Variants in RETREG3 observed in about 807,000 individuals in gnomAD.
RETREG3 encodes the protein reticulophagy regulator 3.
In RETREG3, 23 loss-of-function variants were observed where a neutral mutation model predicts 50.2. The ratio of observed to expected loss-of-function variants is 0.46; its 90% confidence interval spans 0.33 to 0.65. The LOEUF (loss-of-function observed/expected upper bound fraction) is 0.65, where lower values mean the gene tolerates loss of function less well. Ranked by LOEUF, RETREG3 falls within the 30% of genes least tolerant of loss-of-function variation. RETREG3 has a pLI of 0.02. For synonymous variants in RETREG3, 240 were observed against 234.4 expected (o/e 1.02, Z -0.22); for missense variants, 546 against 598.0 (o/e 0.91, Z 0.91).
chr17:42,595,341 C>T (rs887682816), intron 1 of RETREG3, among the ~76,000 whole-genome samples: 1 of 151,572 alleles, frequency 6.6e-6, no homozygotes, highest in African/African-American at 2.4e-5. Context: ...TCCCTGACCT[C>T]GTGATCCTAC....
intron 1 of RETREG3, among the ~76,000 whole-genome samples, chr17:42,595,342 G>A (rs1006175465): frequency 6.6e-6 from 1 of 151,224 alleles, no homozygotes; most frequent in Non-Finnish European, 1.5e-5. Flanking sequence ...CCCTGACCTC[G>A]TGATCCTACC....
intron 7 of RETREG3, 56 bp from the exon 8 acceptor site, chr17:42,582,862 C>A (rs527522154): frequency 2.5e-6 from 4 of 1,606,968 alleles, no homozygotes; most frequent in Non-Finnish European, 3.4e-6. Context: ...GGTGTAGTCA[C>A]CAGGTACAGC....
chr17:42,594,337 C>T (rs1173894043), intron 1 of RETREG3, among the ~76,000 whole-genome samples: 2 of 152,164 alleles, frequency 1.3e-5, no homozygotes, highest in African/African-American at 4.8e-5. Context: ...GGGCAGATCA[C>T]CTGAGGTTAG....
intron 1 of RETREG3, among the ~76,000 whole-genome samples, chr17:42,597,615 ATATATTTTTTTTTTT>A (rs1567925546): frequency 0.017 from 363 of 21,478 alleles, 5 homozygotes; most frequent in African/African-American, 0.051. Flanking sequence ...ATATATATAT[ATATATTTTTTTTTTT>A]TTTTTTTTTT....
chr17:42,583,449 G>A (rs754639313), intron 7 of RETREG3, 49 bp downstream of exon 7: 7 of 1,580,720 alleles, frequency 4.4e-6, no homozygotes, highest in Non-Finnish European at 5.2e-6. Context: ...ATGGTTAAAA[G>A]GTAGCTAAAG....
rs781765239 is a variant in RETREG3, at chr17:42,609,351, G to A, written c.-27C>T. ...TCCCCGCGGCAGCCACAACATCCGG[G>A]GCCGTGGCCCGACAAGTCACAATAA... On this transcript the variant is annotated 5_prime_UTR_variant, in exon 1 of 9. Coordinates refer to ENST00000309428, the MANE Select transcript of RETREG3 (RefSeq NM_178126.4). 2 of 1,581,642 alleles carry A rather than the reference G, an allele frequency of 1.3e-6. No homozygotes were observed. The highest frequency in any genetic ancestry group is 2.7e-5 in the African/African-American group (2 of 74,220).
intron 4 of RETREG3, 99 bp downstream of exon 4, chr17:42,586,666 A>G (rs1481410184): frequency 6.1e-6 from 9 of 1,480,028 alleles, no homozygotes; most frequent in African/African-American, 1.4e-5. Flanking sequence ...CATAGTCTTT[A>G]CTTTCTTGAA....
Position 42,609,134 on chromosome 17 carries a change from C to A in RETREG3, c.191G>T (p.Arg64Leu), listed in dbSNP as rs2093174469. Residue 64 changes from arginine (R) to leucine (L), a missense_variant, in exon 1 of 9, where the codon CGG (arginine) becomes CTG (leucine). Arg to Leu is a moderately radical substitution (Grantham distance 102). Coordinates refer to ENST00000309428, the MANE Select transcript of RETREG3 (RefSeq NM_178126.4). ...SRVQAALVWE[R>L]PARSALWCLG... ...GCACCACAGAGCGCTCCTAGCTGGC[C>A]GCTCCCACACCAGGGCTGCCTGCAC... is the stretch of plus-strand genomic sequence containing the variant. The A allele has an allele frequency of 3.7e-6, 6 of 1,609,570 alleles. No homozygotes were observed. Among genetic ancestry groups the A allele is most frequent in the Non-Finnish European group, 5.1e-6 (6 of 1,179,892 alleles).
chr17:42,594,693 A>G (rs964137569), intron 1 of RETREG3, among the ~76,000 whole-genome samples: 1 of 150,224 alleles, frequency 6.7e-6, no homozygotes, highest in Non-Finnish European at 1.5e-5. Flanking sequence ...AATACAAAAA[A>G]TAAAAAAATT....
Position 42,582,325 on chromosome 17 carries a change from C to A in RETREG3, c.944-55G>T, listed in dbSNP as rs961562028. 40 of 1,518,262 alleles carry A rather than the reference C, an allele frequency of 2.6e-5. No homozygotes were observed. The African/African-American group carries it at 4.0e-4, about 15-fold the overall frequency. The allele number at this position is 1,518,262 out of a possible 1,614,324, so 94.0% of individuals were successfully genotyped here. A position where few individuals can be genotyped will look rare whatever the true frequency, so the allele number is the denominator to read the frequency against. Reference sequence around the variant, plus strand: ...GGCACCTACCTGGCCCTCCTGTGCCCCAGCCCCACATGACCAGATTTTTCC... The same window carrying A: ...GGCACCTACCTGGCCCTCCTGTGCCACAGCCCCACATGACCAGATTTTTCC... On this transcript the variant is annotated intron_variant, in intron 8 of 8. Coordinates refer to ENST00000309428, the MANE Select transcript of RETREG3 (RefSeq NM_178126.4).
chr17:42,605,692 T>G (rs898642581), intron 1 of RETREG3, among the ~76,000 whole-genome samples: 5 of 152,096 alleles, frequency 3.3e-5, no homozygotes, highest in African/African-American at 1.2e-4. Context: ...GTTCTTTTAG[T>G]CTCAAGAGTC....
intron 1 of RETREG3, among the ~76,000 whole-genome samples, chr17:42,603,838 A>G (rs1428936300): frequency 6.6e-6 from 1 of 152,150 alleles, no homozygotes; most frequent in Non-Finnish European, 1.5e-5. Flanking sequence ...TTAGGTGGGC[A>G]TGGTGGCGGG....
intron 1 of RETREG3, among the ~76,000 whole-genome samples, chr17:42,594,205 T>C (rs1470152072): frequency 6.6e-6 from 1 of 151,862 alleles, no homozygotes; most frequent in Non-Finnish European, 1.5e-5. Context: ...AAACAAATAT[T>C]GGAGCCAATA....
chr17:42,603,347 G>C (rs1398933450), intron 1 of RETREG3, among the ~76,000 whole-genome samples: 1 of 152,152 alleles, frequency 6.6e-6, no homozygotes, highest in African/African-American at 2.4e-5. Context: ...TCAAAACAAA[G>C]CATCCCATTC....
chr17:42,598,915 G>A (rs925553451), intron 1 of RETREG3: 7 of 152,074 alleles, frequency 4.6e-5, no homozygotes, highest in African/African-American at 1.7e-4. Flanking sequence ...TTAGAAAACA[G>A]TCTTTTTTTT....
chr17:42,587,690 G>A, intron 3 of RETREG3, 144 bp downstream of exon 3: 4 of 921,018 alleles, frequency 4.3e-6, no homozygotes, highest in Non-Finnish European at 6.9e-6. Context: ...CTGAACTTTA[G>A]GATGTGTTAA....
chr17:42,592,013 G>A (rs1209596017), intron 2 of RETREG3, 43 bp downstream of exon 2: 1 of 1,505,186 alleles, frequency 6.6e-7, no homozygotes, highest in South Asian at 1.2e-5. Flanking sequence ...TTATAGGAAA[G>A]GCCATCTTCA....
chr17:42,580,193 T>A lies in RETREG3; in HGVS notation c.*1620A>T, dbSNP rs539725053. On this transcript the variant is annotated 3_prime_UTR_variant, in exon 9 of 9. Coordinates refer to ENST00000309428, the MANE Select transcript of RETREG3 (RefSeq NM_178126.4). The stretch of plus-strand genomic sequence containing the variant: ...ACCCCTCAGAGGGGTCTCTGCTGAT[T>A]ACAGCCACATTCTTACTATTGGCTC... The A allele has an allele frequency of 6.6e-6, 1 of 152,474 alleles. No individual in the cohort carries two copies. The highest frequency in any genetic ancestry group is 6.5e-5 in the Admixed American group (1 of 15,300). The allele number at this position is 152,474 out of a possible 1,614,324, so 9.4% of individuals were successfully genotyped here.
chr17:42,588,620 T>C (rs996913942), intron 2 of RETREG3, among the ~76,000 whole-genome samples: 1 of 151,886 alleles, frequency 6.6e-6, no homozygotes, highest in African/African-American at 2.4e-5. Flanking sequence ...AGTGCTGGCA[T>C]CACAGGCGTG....
Sources: allele counts gnomAD v4.1 joint callset (sites outside exome capture counted in the v4.1 genomes callset), GRCh38; gene constraint gnomAD v4.1.1; transcripts MANE v1.5; gene names NCBI Gene and HGNC (gene_info 2026-07-23, HGNC 2026-07-21).